Variants in PACRG observed in about 807,000 individuals in gnomAD.
The protein encoded by PACRG is parkin coregulated, also known as parkin coregulated gene protein.
PACRG carries 29 observed loss-of-function variants against 29.7 expected under a neutral mutation model. The observed-to-expected ratio is 0.98, with a 90% CI of 0.73 to 1.33. PACRG has a LOEUF of 1.33. Ranked by LOEUF, PACRG falls within the 40% of genes most tolerant of loss-of-function variation. PACRG has a pLI of 0.00. For synonymous variants in PACRG, 116 were observed against 118.7 expected, an observed-to-expected ratio of 0.98 and a Z score of 0.15; for missense variants, 279 against 316.2, an observed-to-expected ratio of 0.88 and a Z score of 0.89.
At chr6:162,782,764 A>G (rs545869561) in intron 1 of PACRG, among the ~76,000 whole-genome samples, 1 of 151,976 alleles carries the variant, frequency 6.6e-6, no homozygotes, top group African/African-American at 2.4e-5. Context: ...TTCCTATCCC[A>G]AAGTTTGCAT....
chr6:163,312,151 G>A (rs1395762342), intron 4 of PACRG, among the ~76,000 whole-genome samples: 9 of 152,164 alleles, frequency 5.9e-5, no homozygotes, highest in Non-Finnish European at 1.0e-4. Context: ...AACAGGCCAT[G>A]CCACCTTCTC....
intron 1 of PACRG, among the ~76,000 whole-genome samples, chr6:162,771,232 T>G (rs1783193556): frequency 6.6e-6 from 1 of 152,196 alleles, no homozygotes; most frequent in Non-Finnish European, 1.5e-5. Context: ...GAATGTCTTT[T>G]CAGAGTGCTC....
chr6:162,898,794 C>T (rs1795349904), intron 2 of PACRG, among the ~76,000 whole-genome samples: 1 of 152,054 alleles, frequency 6.6e-6, no homozygotes, highest in South Asian at 2.1e-4. Flanking sequence ...TTTATTGATG[C>T]CTAAAGTAAT....
chr6:163,101,539 A>G (rs1189189803), intron 4 of PACRG: 2 of 447,952 alleles, frequency 4.5e-6, no homozygotes, highest in Non-Finnish European at 5.9e-6. Context: ...CTGTGAGTGT[A>G]GGATAATGAT....
intron 4 of PACRG, among the ~76,000 whole-genome samples, chr6:163,208,798 T>A (rs1406159132): frequency 1.3e-5 from 2 of 152,214 alleles, no homozygotes; most frequent in African/African-American, 4.8e-5. Flanking sequence ...TCTCTTAGAA[T>A]TGATGTTACA....
Position 163,186,425 on chromosome 6 carries a change from G to T in PACRG, c.613+97017G>T, listed in dbSNP as rs867345050. Among the ~76,000 whole-genome samples, 3 of 151,532 alleles carry T rather than the reference G, an allele frequency of 2.0e-5. No homozygotes were observed. In the South Asian group the frequency reaches 6.3e-4, roughly 32 times the overall value. The stretch of plus-strand genomic sequence containing the variant: ...CACAGACACAGACACACACACACAC[G>T]CAGACACAGACACACACACACAGAC... On this transcript the variant is annotated intron_variant, in intron 4 of 4. Coordinates refer to ENST00000366888, the MANE Select transcript of PACRG (RefSeq NM_001080379.2).
At chr6:163,314,362 T>C (rs1785561998) in intron 4 of PACRG, among the ~76,000 whole-genome samples, 1 of 152,004 alleles carries the variant, frequency 6.6e-6, no homozygotes, top group South Asian at 2.1e-4. Context: ...GGAGAAAGAG[T>C]TTGCCATGTG....
intron 3 of PACRG, among the ~76,000 whole-genome samples, chr6:163,088,833 C>T (rs775715532): frequency 3.9e-5 from 6 of 152,130 alleles, no homozygotes; most frequent in Admixed American, 6.5e-5. Flanking sequence ...CCCAAATGTT[C>T]GTTCCATGTT....
intron 2 of PACRG, among the ~76,000 whole-genome samples, chr6:162,935,881 C>G (rs1798198757): frequency 6.6e-6 from 1 of 152,140 alleles, no homozygotes; most frequent in Non-Finnish European, 1.5e-5. Flanking sequence ...AGTTCAAAGA[C>G]TACTGGGAGC....
At chr6:162,969,269 A>G (rs531692571) in intron 2 of PACRG, among the ~76,000 whole-genome samples, 1 of 152,000 alleles carries the variant, frequency 6.6e-6, no homozygotes, top group Non-Finnish European at 1.5e-5. Context: ...AGTTACTTCT[A>G]TTTCCTCCAT....
At chr6:163,213,801 A>C (rs1781250276) in intron 4 of PACRG, among the ~76,000 whole-genome samples, 1 of 152,210 alleles carries the variant, frequency 6.6e-6, no homozygotes, top group African/African-American at 2.4e-5. Flanking sequence ...CCTCAAGGAC[A>C]GTAAGGGATT....
At chr6:163,191,892 CTG>C (rs1388219732) in intron 4 of PACRG, 1 of 400,976 alleles carries the variant, frequency 2.5e-6, no homozygotes, top group Admixed American at 2.7e-5. Context: ...CCAAAGCAGA[CTG>C]TAAGCTTCCT....
intron 2 of PACRG, among the ~76,000 whole-genome samples, chr6:163,042,230 C>T (rs1808799519): frequency 6.6e-6 from 1 of 152,074 alleles, no homozygotes; most frequent in Non-Finnish European, 1.5e-5. Context: ...AAGATCACAA[C>T]AAAGGGCAGC....
intron 2 of PACRG, among the ~76,000 whole-genome samples, chr6:162,930,928 C>T (rs1468695727): frequency 2.6e-5 from 4 of 151,802 alleles, no homozygotes; most frequent in African/African-American, 9.7e-5. Flanking sequence ...ATGCATGCCA[C>T]TTGATCATGG....
chr6:163,005,390 G>C (rs1804970934), intron 2 of PACRG, among the ~76,000 whole-genome samples: 2 of 151,960 alleles, frequency 1.3e-5, no homozygotes, highest in African/African-American at 4.8e-5. Context: ...GGTTGAACCT[G>C]AGGTCATTGA....
intron 1 of PACRG, among the ~76,000 whole-genome samples, chr6:162,758,833 A>G (rs1455532999): frequency 6.6e-6 from 1 of 152,212 alleles, no homozygotes; most frequent in Non-Finnish European, 1.5e-5. Context: ...TGTCTATATC[A>G]TGAATTGAAA....
chr6:163,182,595 G>T (rs1438900643), intron 4 of PACRG: 1 of 152,160 alleles, frequency 6.6e-6, no homozygotes, highest in Non-Finnish European at 1.5e-5. Context: ...TTAGAAAAAA[G>T]AATTTCAAAG....
At chr6:162,862,603 C>T (rs1215243977) in intron 2 of PACRG, among the ~76,000 whole-genome samples, 1 of 152,214 alleles carries the variant, frequency 6.6e-6, no homozygotes, top group Non-Finnish European at 1.5e-5. Context: ...ATATTCCAGA[C>T]TCAGAGAGCA....
intron 1 of PACRG, among the ~76,000 whole-genome samples, chr6:162,806,428 T>TAAA (rs74420708): frequency 7.9e-6 from 1 of 127,376 alleles, no homozygotes; most frequent in East Asian, 2.3e-4. Context: ...ATTTCTTAAG[T>TAAA]AAAAAAAAAA....
Sources: gnomAD v4.1 joint callset for allele counts (sites outside exome capture counted in the v4.1 genomes callset) on GRCh38, gnomAD v4.1.1 for gene constraint, MANE v1.5 for transcripts, NCBI Gene and HGNC (gene_info 2026-07-23, HGNC 2026-07-21) for gene names.